MTUS1: variants seen among roughly 807,000 people sequenced by gnomAD.
MTUS1 encodes the protein microtubule-associated tumor suppressor 1.
MTUS1 carries 109 observed loss-of-function variants against 120.8 expected under a neutral mutation model. That is an observed-to-expected ratio of 0.90 (90% CI 0.77 to 1.06). MTUS1 has a LOEUF of 1.06. MTUS1 is among the 50% of genes least tolerant of loss of function. MTUS1 has a pLI of 0.00. For synonymous variants in MTUS1, 737 were observed against 550.5 expected (o/e 1.34, Z -4.74); for missense variants, 2,210 against 1,486.3 (o/e 1.49, Z -8.01).
At chr8:17,789,095 C>T (rs956243787) in intron 1 of MTUS1, among the ~76,000 whole-genome samples, 1 of 151,728 alleles carries the variant, frequency 6.6e-6, no homozygotes, top group Admixed American at 6.6e-5. Context: ...TGCAATGGCA[C>T]GATCTCAGCT....
chr8:17,712,773 G>A (rs1380414779), intron 6 of MTUS1, among the ~76,000 whole-genome samples: 1 of 144,782 alleles, frequency 6.9e-6, no homozygotes, highest in Non-Finnish European at 1.5e-5. Context: ...GGTTCAAATA[G>A]TGGAGGCTGC....
rs922691800 is a variant in MTUS1 at position 17,683,809 on chromosome 8, G to C, written c.2838+519C>G. ...CATCCCTGAAGAATATTAGGGAAAA[G>C]TAACAACACGGCAAATCTGCTTTGC... On this transcript the variant is annotated intron_variant, in intron 7 of 14. Coordinates refer to ENST00000693296, the MANE Select transcript of MTUS1 (RefSeq NM_001363059.2). Among the ~76,000 whole-genome samples, 20 of 152,218 alleles carry C rather than the reference G, an allele frequency of 1.3e-4. No individual in the cohort carries two copies. In the East Asian group the frequency reaches 1.5e-3, roughly 12 times the overall value.
Position 17,755,754 on chromosome 8 carries a change from AAAG to A in MTUS1, c.51_53del (p.Phe18del), listed in dbSNP as rs1563335226. Reference sequence around the variant, plus strand: ...GTGTATTTCCATCTTTATCACTGGTAAAGAAGGTTTGCAATTCATCTTCTATTT... The same window carrying A: ...GTGTATTTCCATCTTTATCACTGGTAAAGGTTTGCAATTCATCTTCTATTT... On this transcript the variant is annotated inframe_deletion, in exon 2 of 15. Transcript: ENST00000693296. 5.6e-6 allele frequency: 9 copies of A among 1,614,038 alleles called. No homozygotes were observed. The highest frequency in any genetic ancestry group is 7.6e-6 in the Non-Finnish European group (9 of 1,179,962).
chr8:17,644,218 G>C lies in MTUS1; in HGVS notation c.*1708C>G, dbSNP rs2129903269. On this transcript the variant is annotated 3_prime_UTR_variant, in exon 15 of 15. Transcript: ENST00000693296. ...CATTTATCAGAAGCAAACATGGAAG[G>C]TTACATACATGATGAAGTATTGGAA... is the stretch of plus-strand genomic sequence containing the variant. 1 of 152,594 alleles carries C rather than the reference G, an allele frequency of 6.6e-6. No homozygotes were observed. The highest frequency in any genetic ancestry group is 2.1e-4 in the South Asian group (1 of 4,822). 9.5% of individuals were successfully genotyped at this position (152,594 alleles called of 1,614,324 possible).
At chr8:17,657,903 A>C (rs1808771312) in intron 8 of MTUS1, among the ~76,000 whole-genome samples, 1 of 151,426 alleles carries the variant, frequency 6.6e-6, no homozygotes, top group Non-Finnish European at 1.5e-5. Flanking sequence ...ATATGTATGC[A>C]TGCATATATG....
intron 13 of MTUS1, among the ~76,000 whole-genome samples, chr8:17,648,654 T>C (rs1806329477): frequency 6.6e-6 from 1 of 152,192 alleles, no homozygotes. Flanking sequence ...CACAGGGGCT[T>C]GGCCGTTATC....
chr8:17,697,131 T>C, intron 6 of MTUS1: 1 of 1,208,546 alleles, frequency 8.3e-7, no homozygotes, highest in East Asian at 2.4e-5. Context: ...TTAAGCCTCA[T>C]CTCTCATTAG....
chr8:17,697,826 TG>T, intron 6 of MTUS1: 1 of 630,622 alleles, frequency 1.6e-6, no homozygotes, highest in South Asian at 7.0e-5. Flanking sequence ...AAGTGCCTAA[TG>T]TTTCTTTCAT....
chr8:17,672,962 C>T (rs113898671), intron 8 of MTUS1, among the ~76,000 whole-genome samples: 2,143 of 152,262 alleles, frequency 0.014, 16 homozygotes, highest in Non-Finnish European at 0.021. Context: ...TGAAGCAGAG[C>T]GAATGGGCAC....
intron 1 of MTUS1, among the ~76,000 whole-genome samples, chr8:17,779,437 C>T (rs747352446): frequency 6.6e-5 from 10 of 152,130 alleles, no homozygotes; most frequent in Non-Finnish European, 1.2e-4. Context: ...AATGAGGTTG[C>T]CTATGGGTAA....
chr8:17,765,174 G>C (rs1563353270), intron 1 of MTUS1, among the ~76,000 whole-genome samples: 1 of 152,154 alleles, frequency 6.6e-6, no homozygotes, highest in Non-Finnish European at 1.5e-5. Context: ...TCGCTAACAT[G>C]ACAGGAGGTG....
rs187562752 is a variant in MTUS1 at position 17,764,775 on chromosome 8, G to A, written c.-154-8814C>T. Among the ~76,000 whole-genome samples, 66 of 152,332 alleles carry A rather than the reference G, an allele frequency of 4.3e-4. No homozygotes were observed. The East Asian group carries it at 8.3e-3, about 19-fold the overall frequency. On this transcript the variant is annotated intron_variant, in intron 1 of 14. Coordinates refer to ENST00000693296, the MANE Select transcript of MTUS1 (RefSeq NM_001363059.2). ...AAGAGGCAGTGGGCCAGACTTGGCC[G>A]TGGACTGTAGCTTGCTGACCCCTGA...
intron 5 of MTUS1, 73 bp from the exon 6 acceptor site, chr8:17,713,325 T>G: frequency 1.1e-6 from 1 of 926,182 alleles, no homozygotes; most frequent in Non-Finnish European, 1.7e-6. Flanking sequence ...ACCATGTTGA[T>G]AAGAATTATT....
chr8:17,768,987 TACTC>T (rs554944697), intron 1 of MTUS1, among the ~76,000 whole-genome samples: 161 of 152,274 alleles, frequency 1.1e-3, no homozygotes, highest in African/African-American at 3.8e-3. Context: ...AAAACTGACT[TACTC>T]AGTCAATAGC....
chr8:17,776,467 A>C (rs1256304087), intron 1 of MTUS1, among the ~76,000 whole-genome samples: 2 of 151,926 alleles, frequency 1.3e-5, no homozygotes, highest in African/African-American at 4.8e-5. Flanking sequence ...GGATCACCTG[A>C]GCTCAGGAGT....
chr8:17,664,118 G>A (rs1810379545), intron 8 of MTUS1: 1 of 152,156 alleles, frequency 6.6e-6, no homozygotes, highest in South Asian at 2.1e-4. Flanking sequence ...CAGTTAAAAA[G>A]CAGCATTGCT....
intron 1 of MTUS1, among the ~76,000 whole-genome samples, chr8:17,762,944 G>C (rs1282589772): frequency 6.6e-6 from 1 of 151,008 alleles, no homozygotes; most frequent in East Asian, 1.9e-4. Context: ...CAGTTGACCA[G>C]ATCAAAAACA....
intron 2 of MTUS1, among the ~76,000 whole-genome samples, chr8:17,744,897 C>A (rs148731259): frequency 4.4e-4 from 67 of 152,006 alleles, no homozygotes; most frequent in African/African-American, 1.6e-3. Flanking sequence ...TCTGTAAGTC[C>A]CTACTTCAAG....
chr8:17,715,943 C>A, intron 4 of MTUS1, 42 bp from the exon 5 acceptor site: 1 of 1,576,860 alleles, frequency 6.3e-7, no homozygotes, highest in Non-Finnish European at 8.6e-7. Context: ...TATAGATAAA[C>A]ACAGTTTCGA....
Sources: allele counts gnomAD v4.1 joint callset (sites outside exome capture counted in the v4.1 genomes callset), GRCh38; gene constraint gnomAD v4.1.1; transcripts MANE v1.5; gene names NCBI Gene and HGNC (gene_info 2026-07-23, HGNC 2026-07-21).